CEP112: variants seen among roughly 807,000 people sequenced by gnomAD.
CEP112 encodes centrosomal protein of 112 kDa.
In CEP112, 127 loss-of-function variants were observed where a neutral mutation model predicts 153.0. The observed-to-expected ratio is 0.83, with a 90% CI of 0.72 to 0.96. CEP112 has a LOEUF of 0.96. Ranked by LOEUF, CEP112 falls within the 40% of genes least tolerant of loss-of-function variation. CEP112 has a pLI of 0.00. For synonymous variants in CEP112, 358 were observed against 374.4 expected, an observed-to-expected ratio of 0.96 and a Z score of 0.51; for missense variants, 1,089 against 1,101.2, an observed-to-expected ratio of 0.99 and a Z score of 0.16.
At chr17:65,683,196 T>G (rs2047614265) in intron 24 of CEP112, among the ~76,000 whole-genome samples, 1 of 152,182 alleles carries the variant, frequency 6.6e-6, no homozygotes, top group African/African-American at 2.4e-5. Context: ...ACACACACAA[T>G]TACCATGGAG....
intron 20 of CEP112, among the ~76,000 whole-genome samples, chr17:65,871,130 T>G (rs1446926206): frequency 6.6e-6 from 1 of 152,192 alleles, no homozygotes; most frequent in Non-Finnish European, 1.5e-5. Context: ...TGCTTAAATA[T>G]AAGAAATTCT....
intron 10 of CEP112, among the ~76,000 whole-genome samples, chr17:66,064,210 T>C (rs1302097102): frequency 6.6e-6 from 1 of 152,190 alleles, no homozygotes; most frequent in Non-Finnish European, 1.5e-5. Context: ...CCACAGGGCA[T>C]AACAGTGCCA....
intron 21 of CEP112, among the ~76,000 whole-genome samples, chr17:65,760,972 GTTTTGGCAGATTGTGT>G (rs1567974297): frequency 6.6e-6 from 1 of 152,146 alleles, no homozygotes; most frequent in Non-Finnish European, 1.5e-5. Context: ...GCCTGTGCGA[GTTTTGGCAGATTGTGT>G]TTTTGGCAGA....
intron 23 of CEP112, among the ~76,000 whole-genome samples, chr17:65,731,357 G>A (rs2050497692): frequency 6.6e-6 from 1 of 152,208 alleles, no homozygotes; most frequent in Admixed American, 6.5e-5. Context: ...GTGTGCGATA[G>A]CATTATGTCT....
At chr17:65,863,446 C>T (rs1409567107) in intron 20 of CEP112, among the ~76,000 whole-genome samples, 6 of 152,170 alleles carry the variant, frequency 3.9e-5, no homozygotes, top group South Asian at 4.1e-4. Flanking sequence ...ATGAGCACGA[C>T]GGGTTCAGGC....
At chr17:66,012,155 G>A (rs1299857600) in intron 16 of CEP112, among the ~76,000 whole-genome samples, 4 of 152,100 alleles carry the variant, frequency 2.6e-5, no homozygotes, top group Non-Finnish European at 5.9e-5. Flanking sequence ...CATACCATTG[G>A]GTCTTGCCTC....
At chr17:66,049,172 G>C (rs2066337653) in intron 12 of CEP112, among the ~76,000 whole-genome samples, 1 of 152,046 alleles carries the variant, frequency 6.6e-6, no homozygotes, top group Non-Finnish European at 1.5e-5. Context: ...CTTGCTACTT[G>C]AACAGACTCT....
At chr17:65,881,410 G>GTT (rs2059068628) in intron 20 of CEP112, among the ~76,000 whole-genome samples, 1 of 151,940 alleles carries the variant, frequency 6.6e-6, no homozygotes, top group Non-Finnish European at 1.5e-5. Context: ...AGGTGTGTGT[G>GTT]TGTGTGTGTG....
At chr17:66,026,997 A>G (rs376202561) in intron 16 of CEP112, among the ~76,000 whole-genome samples, 1 of 152,216 alleles carries the variant, frequency 6.6e-6, no homozygotes, top group African/African-American at 2.4e-5. Context: ...GATATAACTA[A>G]TAATTGAACT....
intron 17 of CEP112, among the ~76,000 whole-genome samples, chr17:65,967,779 G>GTAA (rs1371898829): frequency 1.3e-5 from 2 of 152,088 alleles, no homozygotes; most frequent in African/African-American, 4.8e-5. Flanking sequence ...ACTTCTGCCT[G>GTAA]TAATATGGGT....
chr17:65,867,189 C>A (rs1477987301), intron 20 of CEP112, among the ~76,000 whole-genome samples: 1 of 152,216 alleles, frequency 6.6e-6, no homozygotes, highest in African/African-American at 2.4e-5. Context: ...TGCAACTTTG[C>A]AGGGAGCTAG....
chr17:65,843,827 A>T (rs1262377812), intron 21 of CEP112, among the ~76,000 whole-genome samples: 1 of 152,222 alleles, frequency 6.6e-6, no homozygotes, highest in Non-Finnish European at 1.5e-5. Context: ...ATTTATAAAT[A>T]TCAAAACATG....
chr17:66,113,744 T>A lies in CEP112; in HGVS notation c.642+16002A>T, dbSNP rs188561751. Among the ~76,000 whole-genome samples, 175 of 152,352 alleles carry A rather than the reference T, an allele frequency of 1.1e-3. 1 individual carries two copies. The highest frequency in any genetic ancestry group is 6.7e-3 in the Admixed American group (102 of 15,302). Reference sequence around the variant, plus strand: ...GAACACTGTAAACAACAGTGAATTATGTTGTTATTCATTTACAATACACTG... The same window carrying A: ...GAACACTGTAAACAACAGTGAATTAAGTTGTTATTCATTTACAATACACTG... On this transcript the variant is annotated intron_variant, in intron 6 of 26. Coordinates refer to ENST00000535342, the MANE Select transcript of CEP112 (RefSeq NM_001199165.4).
At chr17:65,837,007 G>A (rs557136233) in intron 21 of CEP112, among the ~76,000 whole-genome samples, 2 of 152,320 alleles carry the variant, frequency 1.3e-5, no homozygotes, top group South Asian at 4.1e-4. Context: ...GTTTCGCCGT[G>A]TTGGCCGGGC....
intron 24 of CEP112, among the ~76,000 whole-genome samples, chr17:65,670,817 C>T (rs1467846593): frequency 7.2e-6 from 1 of 139,714 alleles, no homozygotes; most frequent in African/African-American, 2.7e-5. Flanking sequence ...GGGTCTAAAA[C>T]CTTATGGAAT....
At chr17:65,783,081 T>A (rs1035599591) in intron 21 of CEP112, among the ~76,000 whole-genome samples, 1 of 151,110 alleles carries the variant, frequency 6.6e-6, no homozygotes, top group Admixed American at 6.6e-5. Context: ...AGAAAATATT[T>A]AAAAAAAAAG....
chr17:65,699,326 T>C (rs1159265464), intron 23 of CEP112, among the ~76,000 whole-genome samples: 1 of 152,224 alleles, frequency 6.6e-6, no homozygotes, highest in Non-Finnish European at 1.5e-5. Flanking sequence ...TTTAAAACAG[T>C]TGGGGTACTC....
intron 4 of CEP112, among the ~76,000 whole-genome samples, chr17:66,153,468 CAA>C (rs11303537): frequency 0.01 from 1,290 of 123,612 alleles, 12 homozygotes; most frequent in African/African-American, 0.026. Context: ...TAGAAAAGGC[CAA>C]AAAAAAAAAA....
At chr17:66,014,350 G>A (rs1309503092) in intron 16 of CEP112, among the ~76,000 whole-genome samples, 4 of 152,276 alleles carry the variant, frequency 2.6e-5, no homozygotes, top group Middle Eastern at 3.4e-3. Flanking sequence ...CTGTAAGCAG[G>A]CAAAGCCAGG....
Sources: gnomAD v4.1 joint callset for allele counts (sites outside exome capture counted in the v4.1 genomes callset) on GRCh38, gnomAD v4.1.1 for gene constraint, MANE v1.5 for transcripts, NCBI Gene and HGNC (gene_info 2026-07-23, HGNC 2026-07-21) for gene names.